The following ATP6V1B2 variants were observed in gnomAD, a reference collection of about 807,000 sequenced individuals.
The protein encoded by ATP6V1B2 is ATPase H+ transporting V1 subunit B2.
A neutral mutation model predicts 66.7 loss-of-function variants in ATP6V1B2; 23 were observed. The ratio of observed to expected loss-of-function variants is 0.34; its 90% CI spans 0.25 to 0.49. The LOEUF (loss-of-function observed/expected upper bound fraction) is 0.49, where lower values mean the gene tolerates loss of function less well. Among genes scored for constraint, ATP6V1B2 ranks in the 20% least tolerant of loss-of-function variants. The pLI, the probability that ATP6V1B2 is intolerant of heterozygous loss-of-function variation, is 0.99. For synonymous variants in ATP6V1B2, 278 were observed against 236.7 expected, an observed-to-expected ratio of 1.17 and a Z score of -1.60; for missense variants, 478 against 650.8, an observed-to-expected ratio of 0.73 and a Z score of 2.89.
chr8:20,205,840 C>A (rs541366894), intron 2 of ATP6V1B2, among the ~76,000 whole-genome samples: 1 of 151,992 alleles, frequency 6.6e-6, no homozygotes, highest in African/African-American at 2.4e-5. Flanking sequence ...AACACAGATC[C>A]CAAAATTCTT....
chr8:20,218,391 GTTAGAGA>G (rs1211170810), intron 13 of ATP6V1B2, 109 bp downstream of exon 13: 1 of 1,394,882 alleles, frequency 7.2e-7, no homozygotes, highest in Non-Finnish European at 9.6e-7. Flanking sequence ...TATTTCTCTG[GTTAGAGA>G]AGAGGCTCTG....
At chr8:20,204,870 T>A (rs2072722131) in intron 2 of ATP6V1B2, among the ~76,000 whole-genome samples, 1 of 152,212 alleles carries the variant, frequency 6.6e-6, no homozygotes, top group Non-Finnish European at 1.5e-5. Context: ...CATTTGTGCT[T>A]GGCGTGTGAC....
Position 20,209,512 on chromosome 8 carries a change from G to A in ATP6V1B2, c.272G>A (p.Gly91Asp), listed in dbSNP as rs749178277. Residue 91 changes from glycine to aspartate, a missense_variant, in exon 3 of 14, where the codon GGT (glycine) becomes GAT (aspartate). This residue lies in a region of ATP6V1B2 where 326 missense variants were observed against 545.6 expected (regional missense o/e 0.60). Transcript: ENST00000276390. Reference protein sequence around the residue: ...KRSGQVLEVSGSKAVVQVFEG... With the variant: ...KRSGQVLEVSDSKAVVQVFEG... ...AGTGGGCAAGTTCTGGAAGTTAGTG[G>A]TTCCAAGGCAGTAGTTCAGGTAAGT... The A allele has an allele frequency of 6.2e-7, 1 of 1,613,970 alleles. No homozygotes were observed. Among genetic ancestry groups the A allele is most frequent in the Non-Finnish European group, 8.5e-7 (1 of 1,179,938 alleles).
chr8:20,208,482 T>G lies in ATP6V1B2; in HGVS notation c.193-951T>G, dbSNP rs541364586. Among the ~76,000 whole-genome samples, 32 of 152,278 alleles carry G rather than the reference T, an allele frequency of 2.1e-4. 2 individuals carry two copies. Among genetic ancestry groups the G allele is most frequent in the Middle Eastern group, 6.8e-3 (2 of 294 alleles). On this transcript the variant is annotated intron_variant, in intron 2 of 13. Coordinates refer to ENST00000276390, the MANE Select transcript of ATP6V1B2 (RefSeq NM_001693.4). Reference sequence around the variant, plus strand: ...CAATAAATTATGTTGATAAAATAAGTATTAACATGCCAAATGTCATGTTAA... The same window carrying G: ...CAATAAATTATGTTGATAAAATAAGGATTAACATGCCAAATGTCATGTTAA...
At chr8:20,211,451 C>T (rs1170477011) in intron 6 of ATP6V1B2, 135 bp downstream of exon 6, 10 of 1,348,716 alleles carry the variant, frequency 7.4e-6, no homozygotes, top group African/African-American at 3.0e-5. Context: ...CCAGTTACCT[C>T]ACATCTTTAT....
intron 13 of ATP6V1B2, 139 bp downstream of exon 13, chr8:20,218,421 C>A: frequency 1.7e-6 from 2 of 1,149,590 alleles, no homozygotes; most frequent in Non-Finnish European, 2.4e-6. Flanking sequence ...ACCTGCCTGC[C>A]TTAACCCTCT....
chr8:20,213,439 A>C (rs2072815136), intron 9 of ATP6V1B2: 1 of 161,786 alleles, frequency 6.2e-6, no homozygotes, highest in African/African-American at 2.4e-5. Context: ...ACTTGGGATC[A>C]GGAGTTCAAG....
chr8:20,210,614 T>C lies in ATP6V1B2; in HGVS notation c.431T>C (p.Val144Ala), dbSNP rs750444471. The C allele has an allele frequency of 1.9e-6, 3 of 1,613,812 alleles. No homozygotes were observed. The highest frequency in any genetic ancestry group is 2.5e-6 in the Non-Finnish European group (3 of 1,179,780). ...GSGKPIDRGP[V>A]VLAEDFLDIM... ...GGAAAACCCATTGACAGAGGTCCTGTTGTACTGGCCGAAGACTTCCTTGAT... is the reference window on the plus strand; with the variant it reads ...GGAAAACCCATTGACAGAGGTCCTGCTGTACTGGCCGAAGACTTCCTTGAT... The change falls in exon 5 of 14, where the codon GTT becomes GCT. Residue 144 changes from valine (V) to alanine (A), a missense_variant. Val to Ala is a moderately conservative substitution (Grantham distance 64). This residue lies in a region of ATP6V1B2 where 326 missense variants were observed against 545.6 expected (regional missense o/e 0.60). Coordinates refer to ENST00000276390, the MANE Select transcript of ATP6V1B2 (RefSeq NM_001693.4).
rs899039787 is a variant in ATP6V1B2 at position 20,213,083 on chromosome 8, A to G, written c.927+178A>G. 9 of 740,310 alleles carry G rather than the reference A, an allele frequency of 1.2e-5. No individual in the cohort carries two copies. In the African/African-American group the frequency reaches 1.6e-4, roughly 13 times the overall value. The allele number at this position is 740,310 out of a possible 1,614,324, so 45.9% of individuals were successfully genotyped here. A position where few individuals can be genotyped will look rare whatever the true frequency, so the allele number is the denominator to read the frequency against. On this transcript the variant is annotated intron_variant, in intron 9 of 13. Coordinates refer to ENST00000276390, the MANE Select transcript of ATP6V1B2 (RefSeq NM_001693.4). ...CGTTTTTGTCAACTTGGTAGAAGTG[A>G]TTAGAGGTTAAGATTTAAATGGTTA...
intron 2 of ATP6V1B2, among the ~76,000 whole-genome samples, chr8:20,208,539 T>C (rs2072760835): frequency 6.6e-6 from 1 of 151,922 alleles, no homozygotes; most frequent in Non-Finnish European, 1.5e-5. Flanking sequence ...AATTGCGGAG[T>C]GATTAGTACG....
At chr8:20,201,053 C>T (rs1318896158) in intron 1 of ATP6V1B2, among the ~76,000 whole-genome samples, 1 of 152,186 alleles carries the variant, frequency 6.6e-6, no homozygotes, top group African/African-American at 2.4e-5. Context: ...ATATGTGCTC[C>T]TTAAAACCCG....
chr8:20,211,107 TATG>T (rs1223820973), intron 5 of ATP6V1B2, 67 bp from the exon 6 acceptor site: 3 of 1,558,776 alleles, frequency 1.9e-6, no homozygotes, highest in Non-Finnish European at 1.7e-6. Context: ...TTTAATTTGA[TATG>T]ATATCTAATT....
intron 3 of ATP6V1B2, 123 bp downstream of exon 3, chr8:20,209,654 C>T: frequency 1.1e-6 from 1 of 908,080 alleles, no homozygotes; most frequent in Non-Finnish European, 1.7e-6. Context: ...TGGTTACCGG[C>T]TGCAGGGAAA....
chr8:20,214,666 G>T lies in ATP6V1B2; in HGVS notation c.928-152G>T, dbSNP rs565314744. On this transcript the variant is annotated intron_variant, in intron 9 of 13. Coordinates refer to ENST00000276390, the MANE Select transcript of ATP6V1B2 (RefSeq NM_001693.4). ...CAGAATACTTTGAATTTATGTTGCC[G>T]GGAGATTTTTCTAAATCATTCTTAA... is the stretch of plus-strand genomic sequence containing the variant. 1.4e-5 allele frequency: 12 copies of T among 845,146 alleles called. No individual in the cohort carries two copies. The African/African-American group carries it at 1.6e-4, about 11-fold the overall frequency. The allele number at this position is 845,146 out of a possible 1,614,324, so 52.4% of individuals were successfully genotyped here. A position where few individuals can be genotyped will look rare whatever the true frequency, so the allele number is the denominator to read the frequency against.
chr8:20,212,276 G>GC, intron 8 of ATP6V1B2, 77 bp downstream of exon 8: 3 of 1,390,128 alleles, frequency 2.2e-6, no homozygotes, highest in Non-Finnish European at 3.0e-6. Flanking sequence ...GAGGTAAAAT[G>GC]TGGTAATAAC....
At chr8:20,212,488 A>AT (rs2072805158) in intron 8 of ATP6V1B2, among the ~76,000 whole-genome samples, 1 of 151,980 alleles carries the variant, frequency 6.6e-6, no homozygotes. Context: ...TCTGTAAATG[A>AT]TTTTTTCCTC....
In ATP6V1B2 at chr8:20,212,777, T is replaced by C; in HGVS notation, c.804-5T>C. The stretch of plus-strand genomic sequence containing the variant: ...AGTGGCCTAAGACTTAATGTTCCCT[T>C]TCAGCATTGAGCGAATTATCACTCC... On this transcript the variant is annotated splice_polypyrimidine_tract_variant and splice_region_variant and intron_variant, in intron 8 of 13. Coordinates refer to ENST00000276390, the MANE Select transcript of ATP6V1B2 (RefSeq NM_001693.4). The C allele has an allele frequency of 6.2e-7, 1 of 1,612,692 alleles. No homozygotes were observed. Among genetic ancestry groups the C allele is most frequent in the Non-Finnish European group, 8.5e-7 (1 of 1,179,492 alleles).
intron 1 of ATP6V1B2, among the ~76,000 whole-genome samples, chr8:20,200,030 TCTCA>T (rs1422584436): frequency 3.9e-5 from 6 of 151,940 alleles, no homozygotes; most frequent in Admixed American, 2.6e-4. Context: ...TGAGACAGGG[TCTCA>T]CTCTGTTGCC....
Position 20,220,584 on chromosome 8 carries a change from A to T in ATP6V1B2, c.*182A>T. 1 of 855,376 alleles carries T rather than the reference A, an allele frequency of 1.2e-6. No homozygotes were observed. Among genetic ancestry groups the T allele is most frequent in the Non-Finnish European group, 1.6e-6 (1 of 606,422 alleles). The allele number at this position is 855,376 out of a possible 1,614,324, so 53.0% of individuals were successfully genotyped here. A position where few individuals can be genotyped will look rare whatever the true frequency, so the allele number is the denominator to read the frequency against. ...GTTTTAAACTGCTAACAGACCTTAA[A>T]ATATCCCCCTACCTGGGTCCTCAGT... On this transcript the variant is annotated 3_prime_UTR_variant, in exon 14 of 14. Coordinates refer to ENST00000276390, the MANE Select transcript of ATP6V1B2 (RefSeq NM_001693.4).
Sources: allele counts gnomAD v4.1 joint callset (sites outside exome capture counted in the v4.1 genomes callset), GRCh38; gene constraint gnomAD v4.1.1; regional missense constraint gnomAD v4.1.1; transcripts MANE v1.5; gene names NCBI Gene and HGNC (gene_info 2026-07-23, HGNC 2026-07-21).